Variants in JAK1 observed in about 807,000 individuals in gnomAD.
JAK1 encodes the protein tyrosine-protein kinase JAK1.
JAK1 carries 16 observed loss-of-function variants against 136.6 expected under a neutral mutation model. That is an observed-to-expected ratio of 0.12 (90% CI 0.08 to 0.18). The LOEUF (loss-of-function observed/expected upper bound fraction) is 0.18, where lower values mean the gene tolerates loss of function less well. JAK1 is among the 10% of genes least tolerant of loss of function. JAK1 has a pLI of 1.00. For synonymous variants in JAK1, 492 were observed against 519.5 expected (o/e 0.95, Z 0.72); for missense variants, 859 against 1,450.1 (o/e 0.59, Z 6.62).
At chr1:64,916,598 G>C (rs1434443777) in intron 1 of JAK1, among the ~76,000 whole-genome samples, 2 of 152,158 alleles carry the variant, frequency 1.3e-5, no homozygotes, top group Non-Finnish European at 1.5e-5. Flanking sequence ...AGCATTTTGG[G>C]AGGCTGAGGC....
At chr1:65,032,123 G>A (rs1427788622) in intron 2 of JAK1, among the ~76,000 whole-genome samples, 1 of 151,904 alleles carries the variant, frequency 6.6e-6, no homozygotes, top group African/African-American at 2.4e-5. Context: ...GCACCACCAC[G>A]CCCAGCTAAT....
chr1:64,928,664 C>G (rs547014222), intron 1 of JAK1, among the ~76,000 whole-genome samples: 16 of 151,168 alleles, frequency 1.1e-4, no homozygotes, highest in Middle Eastern at 3.4e-3. Flanking sequence ...CACTTCACCC[C>G]CAAGACCTGA....
At chr1:64,967,787 C>T (rs1318153150), upstream of JAK1, among the ~76,000 whole-genome samples, 1 of 152,156 alleles carries the variant, frequency 6.6e-6, no homozygotes. Context: ...AAAAGGATCT[C>T]CAAAGTGCCT....
intron 2 of JAK1, among the ~76,000 whole-genome samples, chr1:64,975,361 G>A (rs570359824): frequency 2.2e-4 from 33 of 152,320 alleles, no homozygotes; most frequent in African/African-American, 7.9e-4. Flanking sequence ...CAACAGCTGG[G>A]GCTGTCAGTC....
intron 7 of JAK1, among the ~76,000 whole-genome samples, chr1:64,866,295 C>T (rs1163148029): frequency 3.3e-5 from 5 of 152,204 alleles, no homozygotes; most frequent in Admixed American, 6.5e-5. Context: ...TGAACCCCGT[C>T]GACGTGGGTC....
At chr1:64,954,373 G>A (rs1274925023) in intron 1 of JAK1, among the ~76,000 whole-genome samples, 1 of 152,100 alleles carries the variant, frequency 6.6e-6, no homozygotes, top group Non-Finnish European at 1.5e-5. Flanking sequence ...CTAATAAATA[G>A]TCTCATGCCC....
Position 65,043,484 on chromosome 1 carries a change from G to A in JAK1, c.-78+996C>T, listed in dbSNP as rs532943347. Among the ~76,000 whole-genome samples, 6 of 152,112 alleles carry A rather than the reference G, an allele frequency of 3.9e-5. No individual in the cohort carries two copies. The South Asian group carries it at 1.2e-3, about 32-fold the overall frequency. On this transcript the variant is annotated intron_variant, in intron 2 of 25. Coordinates refer to the JAK1 transcript ENST00000671954. ...GGGAGTTATTCTACATTGAAAAAAA[G>A]CCAATTCCAAAATGTTACATAGCAT... is the stretch of plus-strand genomic sequence containing the variant.
intron 1 of JAK1, among the ~76,000 whole-genome samples, chr1:65,056,849 G>A (rs1037485507): frequency 2.4e-4 from 36 of 151,302 alleles, no homozygotes; most frequent in Non-Finnish European, 8.8e-5. Flanking sequence ...ACTTGACCCC[G>A]GGAGGCAGAG....
intron 1 of JAK1, among the ~76,000 whole-genome samples, chr1:65,052,632 T>A (rs1024444101): frequency 1.7e-4 from 26 of 151,646 alleles, no homozygotes; most frequent in Admixed American, 6.6e-5. Context: ...GCTAACACGA[T>A]GAAATCCCAT....
At chr1:65,016,187 G>A (rs1185894701) in intron 2 of JAK1, among the ~76,000 whole-genome samples, 1 of 152,188 alleles carries the variant, frequency 6.6e-6, no homozygotes, top group African/African-American at 2.4e-5. Flanking sequence ...TCAGGGGCTG[G>A]GGAGAAGGGA....
At chr1:64,894,637 C>T (rs192133756) in intron 1 of JAK1, among the ~76,000 whole-genome samples, 44 of 152,058 alleles carry the variant, frequency 2.9e-4, no homozygotes, top group African/African-American at 8.2e-4. Flanking sequence ...GTTAGCCGGG[C>T]GTGGTGGTGG....
At chr1:65,000,419 C>T (rs1211241129) in intron 2 of JAK1, among the ~76,000 whole-genome samples, 8 of 151,740 alleles carry the variant, frequency 5.3e-5, no homozygotes, top group Non-Finnish European at 1.2e-4. Context: ...GGGAGGATCA[C>T]CTGAGTCCAG....
At chr1:64,876,040 A>G (rs957495782) in intron 4 of JAK1, 1 of 152,352 alleles carries the variant, frequency 6.6e-6, no homozygotes, top group African/African-American at 2.4e-5. Context: ...TAAGAGAATG[A>G]GAAGTAGGTA....
intron 14 of JAK1, among the ~76,000 whole-genome samples, 168 bp from the exon 15 acceptor site, chr1:64,845,808 A>G (rs569046648): frequency 1.3e-5 from 2 of 152,322 alleles, no homozygotes; most frequent in South Asian, 4.1e-4. Flanking sequence ...GGCCAAGTTC[A>G]ACCCCAAGCT....
chr1:65,061,756 A>G (rs1486852956), intron 1 of JAK1, among the ~76,000 whole-genome samples: 2 of 152,224 alleles, frequency 1.3e-5, no homozygotes, highest in African/African-American at 4.8e-5. Flanking sequence ...CAGAATGTAT[A>G]CTTGCATTTT....
chr1:64,860,399 C>A, intron 8 of JAK1, 137 bp from the exon 9 acceptor site: 1 of 407,214 alleles, frequency 2.5e-6, no homozygotes. Context: ...TTCATCAATA[C>A]TAAATATACC....
intron 1 of JAK1, among the ~76,000 whole-genome samples, chr1:64,944,091 A>G (rs1645938075): frequency 6.6e-6 from 1 of 151,806 alleles, no homozygotes; most frequent in Non-Finnish European, 1.5e-5. Flanking sequence ...GTGTGGTGGC[A>G]GGTGCCTGTA....
At chr1:65,021,244 C>T (rs938293557) in intron 2 of JAK1, among the ~76,000 whole-genome samples, 14 of 152,134 alleles carry the variant, frequency 9.2e-5, no homozygotes, top group Non-Finnish European at 2.9e-5. Context: ...TAGCCACTTC[C>T]AGTGTTTTTC....
chr1:65,037,682 G>T (rs1313278213), intron 2 of JAK1, among the ~76,000 whole-genome samples: 3 of 152,066 alleles, frequency 2.0e-5, no homozygotes, highest in Non-Finnish European at 4.4e-5. Context: ...GCACAACATA[G>T]AAAGACCCCA....
Sources: allele counts gnomAD v4.1 joint callset (sites outside exome capture counted in the v4.1 genomes callset), GRCh38; gene constraint gnomAD v4.1.1; transcripts MANE v1.5; gene names NCBI Gene and HGNC (gene_info 2026-07-23, HGNC 2026-07-21).